The following ISL1 variants were observed in gnomAD, a reference collection of about 807,000 sequenced individuals.
ISL1 encodes ISL LIM homeobox 1, also known as insulin gene enhancer protein ISL-1.
A neutral mutation model predicts 35.3 loss-of-function variants in ISL1; 4 were observed. The ratio of observed to expected loss-of-function variants is 0.11; its 90% CI spans 0.06 to 0.26. The LOEUF (loss-of-function observed/expected upper bound fraction) is 0.26, where lower values mean the gene tolerates loss of function less well. Ranked by LOEUF, ISL1 falls within the 10% of genes least tolerant of loss-of-function variation. ISL1 has a pLI of 1.00. For synonymous variants in ISL1, 186 were observed against 172.3 expected, an observed-to-expected ratio of 1.08 and a Z score of -0.62; for missense variants, 340 against 472.8, an observed-to-expected ratio of 0.72 and a Z score of 2.60.
intron 5 of ISL1, among the ~76,000 whole-genome samples, chr5:51,391,659 A>C (rs910846342): frequency 2.0e-5 from 3 of 151,922 alleles, no homozygotes; most frequent in African/African-American, 7.3e-5. Flanking sequence ...ATTTGACCAT[A>C]TAGGTTGAAT....
intron 2 of ISL1, among the ~76,000 whole-genome samples, chr5:51,385,924 TTTC>T (rs2111838431): frequency 6.6e-6 from 1 of 152,316 alleles, no homozygotes; most frequent in East Asian, 1.9e-4. Flanking sequence ...CCAGCATTTT[TTTC>T]TTCTTTTTTA....
intron 4 of ISL1, among the ~76,000 whole-genome samples, chr5:51,390,636 C>CTTTTTTTTTTTTTTT (rs1216503548): frequency 1.3e-5 from 1 of 74,330 alleles, no homozygotes; most frequent in Non-Finnish European, 2.8e-5. Context: ...TCTTTTCTTT[C>CTTTTTTTTTTTTTTT]TTTTTCTTTT....
chr5:51,384,513 G>A, intron 1 of ISL1, 28 bp from the exon 2 acceptor site: 1 of 1,606,194 alleles, frequency 6.2e-7, no homozygotes, highest in Admixed American at 1.7e-5. Context: ...TAAACGGTTA[G>A]TCAATCATGT....
intron 2 of ISL1, among the ~76,000 whole-genome samples, chr5:51,385,575 G>A (rs1270967635): frequency 3.5e-4 from 2 of 5,780 alleles, no homozygotes; most frequent in African/African-American, 1.5e-3. Flanking sequence ...GTTTTGGAGA[G>A]TTTTTGTTTT....
intron 4 of ISL1, 145 bp downstream of exon 4, chr5:51,390,077 C>A (rs1034748316): frequency 1.5e-5 from 15 of 980,716 alleles, no homozygotes; most frequent in Non-Finnish European, 1.8e-5. Context: ...TCCTTACCCC[C>A]CTACCCATGC....
Position 51,386,688 on chromosome 5 carries a change from G to C in ISL1, c.219-802G>C, listed in dbSNP as rs1252779276. On this transcript the variant is annotated intron_variant, in intron 2 of 5. Coordinates refer to ENST00000230658, the MANE Select transcript of ISL1 (RefSeq NM_002202.3). ...CGGGTCTTTGCATTTTTTTCATTCT[G>C]GTCATGGTTTTCAAGAAAATTGAAA... is the stretch of plus-strand genomic sequence containing the variant. The C allele has an allele frequency of 4.5e-5, 20 of 447,444 alleles. No individual in the cohort carries two copies. In the Admixed American group the frequency reaches 5.0e-4, roughly 11 times the overall value. The allele number at this position is 447,444 out of a possible 1,614,324, so 27.7% of individuals were successfully genotyped here.
intron 2 of ISL1, among the ~76,000 whole-genome samples, chr5:51,385,880 A>G (rs1747331273): frequency 6.6e-6 from 1 of 152,248 alleles, no homozygotes; most frequent in Non-Finnish European, 1.5e-5. Flanking sequence ...AAGATTTAAT[A>G]TACAGTCACA....
Position 51,389,655 on chromosome 5 carries a change from T to C in ISL1, c.488T>C (p.Ile163Thr). ...GCTCCTTGCCCCGCAGCGGAGCCCA[T>C]CTCCGCCAGGCAGCCAGCCCTGCGG... The part of the protein sequence containing the change: ...ARPLQMAAEP[I>T]SARQPALRPH... Residue 163 changes from isoleucine to threonine, a missense_variant, in exon 4 of 6, where the codon ATC becomes ACC. By Grantham distance (89) the Ile-to-Thr change is moderately conservative. Coordinates refer to ENST00000230658, the MANE Select transcript of ISL1 (RefSeq NM_002202.3). The surrounding 1 kb of genome is among the most constrained non-coding windows in gnomAD (Gnocchi z 5.0). 1 of 1,609,352 alleles carries C rather than the reference T, an allele frequency of 6.2e-7. No individual in the cohort carries two copies.
chr5:51,391,155 A>G lies in ISL1; in HGVS notation c.766-119A>G, dbSNP rs1021641306. ...TAGGTACGGCGGATTAACTGAGTCA[A>G]TAAAGACCACTATATAGATAAGATA... is the stretch of plus-strand genomic sequence containing the variant. On this transcript the variant is annotated intron_variant, in intron 4 of 5. Transcript: ENST00000230658. The G allele has an allele frequency of 9.6e-6, 9 of 937,496 alleles. No homozygotes were observed. The African/African-American group carries it at 9.9e-5, about 10-fold the overall frequency. 58.1% of individuals were successfully genotyped at this position (937,496 alleles called of 1,614,324 possible). A position where few individuals can be genotyped will look rare whatever the true frequency, so the allele number is the denominator to read the frequency against.
At chr5:51,385,345 C>G (rs1747318645) in intron 2 of ISL1, among the ~76,000 whole-genome samples, 1 of 152,174 alleles carries the variant, frequency 6.6e-6, no homozygotes, top group South Asian at 2.1e-4. Context: ...TAAATATTAA[C>G]CCTTTGGTGA....
intron 2 of ISL1, among the ~76,000 whole-genome samples, chr5:51,385,388 G>A (rs1747319605): frequency 6.6e-6 from 1 of 152,064 alleles, no homozygotes; most frequent in Admixed American, 6.6e-5. Context: ...TATCTTATCT[G>A]AGCTGATGAA....
chr5:51,384,316 T>C (rs1208519862), intron 1 of ISL1, among the ~76,000 whole-genome samples: 1 of 151,388 alleles, frequency 6.6e-6, no homozygotes, highest in Non-Finnish European at 1.5e-5. Context: ...TATTCCAATC[T>C]GCATTTTACA....
intron 2 of ISL1, among the ~76,000 whole-genome samples, chr5:51,385,144 C>A (rs1462784624): frequency 6.6e-6 from 1 of 152,106 alleles, no homozygotes. Context: ...AAATTAGTAG[C>A]TTACAAATTC....
chr5:51,390,636 C>CTTT (rs1216503548), intron 4 of ISL1, among the ~76,000 whole-genome samples: 1 of 74,326 alleles, frequency 1.3e-5, no homozygotes, highest in African/African-American at 4.2e-5. Flanking sequence ...TCTTTTCTTT[C>CTTT]TTTTTCTTTT....
chr5:51,386,677 T>G (rs2111840364), intron 2 of ISL1: 1 of 452,868 alleles, frequency 2.2e-6, no homozygotes, highest in Non-Finnish European at 4.4e-6. Flanking sequence ...TCTTTGCATT[T>G]TTTTCATTCT....
chr5:51,388,953 A>C (rs1336894253), intron 3 of ISL1, among the ~76,000 whole-genome samples: 1 of 152,168 alleles, frequency 6.6e-6, no homozygotes, highest in African/African-American at 2.4e-5. Context: ...AGCCCATCTC[A>C]GGAACATCCA....
chr5:51,390,642 CTTTTTTTTTTTTTTTT>C (rs57707586), intron 4 of ISL1, among the ~76,000 whole-genome samples: 143 of 40,252 alleles, frequency 3.6e-3, no homozygotes, highest in East Asian at 8.1e-3. Flanking sequence ...CTTTCTTTTT[CTTTTTTTTTTTTTTTT>C]TTTTTTTTTT....
chr5:51,386,193 T>G (rs1482824434), intron 2 of ISL1: 1 of 154,256 alleles, frequency 6.5e-6, no homozygotes, highest in Non-Finnish European at 1.4e-5. Flanking sequence ...GTTTTCATTG[T>G]TTACTAGATT....
chr5:51,387,230 A>C lies in ISL1; in HGVS notation c.219-260A>C. ...GAGTTACCAACTAAGACAGAGGTTC[A>C]TCGGAAAGGAAACGGGAGTAAAAGA... is the stretch of plus-strand genomic sequence containing the variant. On this transcript the variant is annotated intron_variant, in intron 2 of 5. Transcript: ENST00000230658. This position sits in a 1 kb window ranked among gnomAD's most constrained non-coding sequence, Gnocchi z 4.3. Among the ~76,000 whole-genome samples the C allele has an allele frequency of 6.6e-6, 1 of 152,144 alleles. No individual in the cohort carries two copies. Among genetic ancestry groups the C allele is most frequent in the East Asian group, 1.9e-4 (1 of 5,164 alleles).
Sources: gnomAD v4.1 joint callset for allele counts (sites outside exome capture counted in the v4.1 genomes callset) on GRCh38, gnomAD v4.1.1 for gene constraint, Gnocchi (gnomAD v3.1) non-coding constraint, MANE v1.5 for transcripts, NCBI Gene and HGNC (gene_info 2026-07-23, HGNC 2026-07-21) for gene names.